MMS19: variants seen among roughly 807,000 people sequenced by gnomAD.
The protein encoded by MMS19 is MMS19 nucleotide excision repair protein homolog.
In MMS19, 77 loss-of-function variants were observed where a neutral mutation model predicts 129.8. The observed-to-expected ratio is 0.59, with a 90% CI of 0.49 to 0.72. The LOEUF is 0.72. MMS19 is among the 30% of genes least tolerant of loss of function. The probability of loss-of-function intolerance (pLI) is 0.00; values close to 1 mark genes in which losing one functional copy is unlikely to be tolerated. For missense variants in MMS19, 1,168 were observed against 1,266.3 expected (o/e 0.92, Z 1.18); for synonymous variants, 491 against 502.8 (o/e 0.98, Z 0.31).
intron 18 of MMS19, among the ~76,000 whole-genome samples, chr10:97,464,446 A>G (rs1564628515): frequency 6.6e-6 from 1 of 152,160 alleles, no homozygotes; most frequent in Admixed American, 6.5e-5. Flanking sequence ...GTGGGCCTGA[A>G]TCTACCCACA....
rs375489361 is a variant in MMS19, at chr10:97,466,781, T to C, written c.1418A>G (p.Gln473Arg). Residue 473 changes from glutamine (Q) to arginine (R), a missense_variant, in exon 15 of 31, where the codon CAG becomes CGG. Gln to Arg is a conservative substitution (Grantham distance 43). Coordinates refer to ENST00000438925, the MANE Select transcript of MMS19 (RefSeq NM_022362.5). Reference protein sequence around the residue: ...GIRTLTVLGAQPDLLSYEDLE... With the variant: ...GIRTLTVLGARPDLLSYEDLE... ...CTCTTTCCCTTAAGATGTACCTGGC[T>C]GGGCACCCAAGACTGTCAGTGTACG... 49 of 1,613,934 alleles carry C rather than the reference T, an allele frequency of 3.0e-5. No individual in the cohort carries two copies. Among genetic ancestry groups the C allele is most frequent in the Non-Finnish European group, 3.8e-5 (45 of 1,179,910 alleles).
intron 1 of MMS19, among the ~76,000 whole-genome samples, chr10:97,486,125 T>C (rs1216242229): frequency 2.0e-5 from 3 of 152,212 alleles, no homozygotes; most frequent in Non-Finnish European, 2.9e-5. Flanking sequence ...TGTACACATA[T>C]ACAACAGAAT....
chr10:97,459,883 C>T (rs1351534176), intron 26 of MMS19, 142 bp from the exon 27 acceptor site: 18 of 974,264 alleles, frequency 1.8e-5, no homozygotes, highest in Non-Finnish European at 2.6e-5. Flanking sequence ...GCAAGATACG[C>T]CCATGAAAGG....
At chr10:97,477,071 AG>A in intron 6 of MMS19, 108 bp from the exon 7 acceptor site, 1 of 1,552,134 alleles carries the variant, frequency 6.4e-7, no homozygotes, top group Non-Finnish European at 8.7e-7. Context: ...CTTTCTCTTC[AG>A]GGCTGACCCT....
chr10:97,480,206 C>A, intron 3 of MMS19: 1 of 451,626 alleles, frequency 2.2e-6, no homozygotes. Flanking sequence ...CTATGCAAAT[C>A]AGACACCGCC....
At chr10:97,475,701 C>A (rs1055597005) in intron 8 of MMS19, among the ~76,000 whole-genome samples, 1 of 152,176 alleles carries the variant, frequency 6.6e-6, no homozygotes, top group Non-Finnish European at 1.5e-5. Context: ...CGCACCACTG[C>A]ACTCCAGCCT....
At chr10:97,489,967 C>A (rs1263554607) in intron 1 of MMS19, among the ~76,000 whole-genome samples, 1 of 152,218 alleles carries the variant, frequency 6.6e-6, no homozygotes, top group Non-Finnish European at 1.5e-5. Flanking sequence ...GGTCTCTGCA[C>A]TATAGTTACT....
chr10:97,461,220 C>T, intron 23 of MMS19: 1 of 606,870 alleles, frequency 1.6e-6, no homozygotes, highest in Admixed American at 3.0e-5. Flanking sequence ...GGGTCATCTA[C>T]TTCCAATAAA....
At chr10:97,484,761 C>CA (rs1277462230) in intron 1 of MMS19, among the ~76,000 whole-genome samples, 1 of 152,114 alleles carries the variant, frequency 6.6e-6, no homozygotes, top group Admixed American at 6.5e-5. Context: ...ATTAAAAATA[C>CA]AAAAAATTAG....
intron 8 of MMS19, among the ~76,000 whole-genome samples, chr10:97,473,581 A>T (rs10882941): frequency 0.52 from 78,241 of 150,578 alleles, 20,646 homozygotes; most frequent in South Asian, 0.59. Context: ...TGAAGGAAGA[A>T]CCAATATCTA....
At chr10:97,493,384 T>G (rs918212523) in intron 1 of MMS19, among the ~76,000 whole-genome samples, 2 of 152,090 alleles carry the variant, frequency 1.3e-5, no homozygotes, top group Admixed American at 6.6e-5. Context: ...GGAGACCACC[T>G]TGGGCAACAA....
intron 12 of MMS19, 136 bp from the exon 13 acceptor site, chr10:97,468,542 T>C: frequency 1.2e-6 from 1 of 830,752 alleles, no homozygotes; most frequent in Non-Finnish European, 1.8e-6. Flanking sequence ...CAATTCAAAG[T>C]AGGGCTATCG....
At chr10:97,473,086 A>G (rs1012050315) in intron 8 of MMS19, among the ~76,000 whole-genome samples, 3 of 151,516 alleles carry the variant, frequency 2.0e-5, no homozygotes, top group Non-Finnish European at 4.4e-5. Flanking sequence ...CCTAAGCTGG[A>G]GTGCAATGGC....
intron 3 of MMS19, 138 bp downstream of exon 3, chr10:97,480,804 G>T: frequency 1.4e-6 from 1 of 692,282 alleles, no homozygotes; most frequent in Non-Finnish European, 2.7e-6. Context: ...ACATATACCA[G>T]TGAGGAATGA....
chr10:97,484,300 A>G, intron 1 of MMS19, 149 bp from the exon 2 acceptor site: 1 of 508,132 alleles, frequency 2.0e-6, no homozygotes, highest in Non-Finnish European at 3.5e-6. Context: ...GATGAGAAGC[A>G]GCATTGCTGT....
intron 21 of MMS19, 57 bp downstream of exon 21, chr10:97,461,960 T>G: frequency 6.4e-7 from 1 of 1,565,446 alleles, no homozygotes; most frequent in Non-Finnish European, 8.7e-7. Context: ...CTCTACCCAT[T>G]CCAGATTAGC....
rs1456794123 is a variant in MMS19, at chr10:97,469,728, C to T, written c.847-5G>A. 2 of 1,613,580 alleles carry T rather than the reference C, an allele frequency of 1.2e-6. No individual in the cohort carries two copies. The highest frequency in any genetic ancestry group is 1.7e-6 in the Non-Finnish European group (2 of 1,179,624). On this transcript the variant is annotated splice_region_variant and splice_polypyrimidine_tract_variant and intron_variant, in intron 10 of 30. Transcript: ENST00000438925. Reference sequence around the variant, plus strand: ...ATACACAGCACAGCAAGCATTCTGCCAAGGAAACCGCTGCTATCAGTTATG... The same window carrying T: ...ATACACAGCACAGCAAGCATTCTGCTAAGGAAACCGCTGCTATCAGTTATG...
chr10:97,498,337 T>C lies in MMS19; in HGVS notation c.48A>G (p.Leu16=). The change falls in exon 1 of 31, where the codon CTA becomes CTG. Residue 16 remains leucine (L), a synonymous_variant. Coordinates refer to ENST00000438925, the MANE Select transcript of MMS19 (RefSeq NM_022362.5). Reference sequence around the variant, plus strand: ...CGACGAAGTCGTGCACGAGGCCCCATAGGGCACCCATAGGCGCCGCCGCCT... The same window carrying C: ...CGACGAAGTCGTGCACGAGGCCCCACAGGGCACCCATAGGCGCCGCCGCCT... ...AVEAAAPMGA[L]WGLVHDFVVG... is the part of the protein sequence containing the mutation. 3.8e-6 allele frequency: 6 copies of C among 1,574,662 alleles called. No individual in the cohort carries two copies. The highest frequency in any genetic ancestry group is 3.4e-5 in the South Asian group (3 of 87,420).
chr10:97,490,240 G>A (rs1343053531), intron 1 of MMS19, among the ~76,000 whole-genome samples: 4 of 151,874 alleles, frequency 2.6e-5, no homozygotes, highest in Non-Finnish European at 5.9e-5. Context: ...CACCATGCCC[G>A]CCTAATTTTT....
Sources: gnomAD v4.1 joint callset for allele counts (sites outside exome capture counted in the v4.1 genomes callset) on GRCh38, gnomAD v4.1.1 for gene constraint, MANE v1.5 for transcripts, NCBI Gene and HGNC (gene_info 2026-07-23, HGNC 2026-07-21) for gene names.